The following CMSS1 variants were observed in gnomAD, a reference collection of about 807,000 sequenced individuals.
CMSS1 encodes protein CMSS1.
CMSS1 carries 33 observed loss-of-function variants against 43.5 expected under a neutral mutation model. The observed-to-expected ratio is 0.76, with a 90% CI of 0.57 to 1.01. CMSS1 has a LOEUF of 1.01. CMSS1 is among the 50% of genes least tolerant of loss of function. CMSS1 has a pLI of 0.00. For synonymous variants in CMSS1, 115 were observed against 117.2 expected (o/e 0.98, Z 0.12); for missense variants, 313 against 326.4 (o/e 0.96, Z 0.32).
intron 1 of CMSS1, chr3:99,924,406 C>G (rs1437105025): frequency 1.2e-6 from 2 of 1,613,680 alleles, no homozygotes; most frequent in South Asian, 2.2e-5. Flanking sequence ...CAACTTTGTC[C>G]AACTACGAAA....
rs1227470798 is a variant in CMSS1, at chr3:100,139,557, G to A, written c.65-7416G>A. ...TGTGTGTGTGTGTGTGTGTGTGTGT[G>A]TGTGTGTGTATGTATATATATGTGT... is the stretch of plus-strand genomic sequence containing the variant. On this transcript the variant is annotated intron_variant, in intron 1 of 9. Transcript: ENST00000421999. 1.9e-4 allele frequency among the ~76,000 whole-genome samples: 28 copies of A among 148,562 alleles called. No individual in the cohort carries two copies. The East Asian group carries it at 5.3e-3, about 28-fold the overall frequency.
intron 1 of CMSS1, among the ~76,000 whole-genome samples, chr3:99,827,499 C>CT (rs1462256110): frequency 2.0e-5 from 3 of 151,752 alleles, no homozygotes; most frequent in Non-Finnish European, 4.4e-5. Flanking sequence ...GCAAATGTAA[C>CT]TTTACTTTGA....
chr3:100,095,185 T>G (rs1212246140), intron 1 of CMSS1, among the ~76,000 whole-genome samples: 1 of 152,228 alleles, frequency 6.6e-6, no homozygotes, highest in Non-Finnish European at 1.5e-5. Context: ...CACTTTCTCT[T>G]CTTTTTCAAC....
Position 100,014,280 on chromosome 3 carries a change from A to AAT in CMSS1, c.65-132693_65-132692insAT, listed in dbSNP as rs552745568. Among the ~76,000 whole-genome samples, 445 of 152,102 alleles carry AAT rather than the reference A, an allele frequency of 2.9e-3. 1 individual carries two copies. The highest frequency in any genetic ancestry group is 9.9e-3 in the African/African-American group (412 of 41,546). ...AAGTTGATTCCACATCTTGACTGTT[A>AAT]TGAATAATGCTGCAATGAATATGAG... is the stretch of plus-strand genomic sequence containing the variant. On this transcript the variant is annotated intron_variant, in intron 1 of 9. Transcript: ENST00000421999.
chr3:100,151,406 G>A (rs1462658261), intron 2 of CMSS1, among the ~76,000 whole-genome samples: 1 of 152,190 alleles, frequency 6.6e-6, no homozygotes, highest in African/African-American at 2.4e-5. Flanking sequence ...GCTGGGGTTG[G>A]AGGCTTAGCT....
At chr3:100,027,765 T>C (rs1012313530) in intron 1 of CMSS1, among the ~76,000 whole-genome samples, 2 of 152,054 alleles carry the variant, frequency 1.3e-5, no homozygotes, top group African/African-American at 2.4e-5. Context: ...CAACACAGAG[T>C]TTAGAACTGG....
At chr3:99,896,206 A>G (rs1706246947) in intron 1 of CMSS1, among the ~76,000 whole-genome samples, 5 of 152,238 alleles carry the variant, frequency 3.3e-5, no homozygotes, top group Admixed American at 3.3e-4. Context: ...TAAAGGGAGT[A>G]GGTCAGAGAT....
chr3:100,152,220 A>G (rs970463885), intron 2 of CMSS1, among the ~76,000 whole-genome samples: 1 of 138,010 alleles, frequency 7.2e-6, no homozygotes, highest in African/African-American at 2.7e-5. Context: ...TTTTTTTTCT[A>G]TTAAAAGCAG....
At chr3:100,118,255 T>C (rs1375293709) in intron 1 of CMSS1, among the ~76,000 whole-genome samples, 4 of 151,960 alleles carry the variant, frequency 2.6e-5, no homozygotes, top group Admixed American at 2.0e-4. Context: ...GTGTATTTAC[T>C]ATTATTTTTA....
chr3:100,019,961 G>A (rs1559727678), intron 1 of CMSS1, among the ~76,000 whole-genome samples: 1 of 152,082 alleles, frequency 6.6e-6, no homozygotes, highest in African/African-American at 2.4e-5. Context: ...AAGGAAACTG[G>A]CTTAAAAGCT....
chr3:99,863,379 G>A (rs937706568), intron 1 of CMSS1, among the ~76,000 whole-genome samples: 1 of 152,130 alleles, frequency 6.6e-6, no homozygotes, highest in Non-Finnish European at 1.5e-5. Context: ...TTCGGCCCTG[G>A]GGTTGGGGAC....
At chr3:99,990,720 T>C (rs1709486232) in intron 1 of CMSS1, among the ~76,000 whole-genome samples, 1 of 151,992 alleles carries the variant, frequency 6.6e-6, no homozygotes, top group East Asian at 1.9e-4. Flanking sequence ...ACCCATTTCC[T>C]ATCAAGTGCC....
intron 1 of CMSS1, among the ~76,000 whole-genome samples, chr3:100,139,567 ATGTATATATATG>A (rs1328744431): frequency 8.8e-5 from 11 of 124,696 alleles, no homozygotes; most frequent in African/African-American, 3.2e-4. Flanking sequence ...GTGTGTGTGT[ATGTATATATATG>A]TGTATATATA....
Position 99,992,421 on chromosome 3 carries a change from G to T in CMSS1, c.65-154552G>T, listed in dbSNP as rs1459354395. 2.0e-5 allele frequency among the ~76,000 whole-genome samples: 3 copies of T among 152,182 alleles called. No homozygotes were observed. In the South Asian group the frequency reaches 6.2e-4, roughly 32 times the overall value. On this transcript the variant is annotated intron_variant, in intron 1 of 9. Transcript: ENST00000421999. Reference sequence around the variant, plus strand: ...TTAATTTGCAGTTCTCTGGTAATTAGTAATGTTGAGAATTTTTTCATGTTT... The same window carrying T: ...TTAATTTGCAGTTCTCTGGTAATTATTAATGTTGAGAATTTTTTCATGTTT...
intron 1 of CMSS1, among the ~76,000 whole-genome samples, chr3:99,893,608 AG>A (rs1302348373): frequency 2.0e-5 from 3 of 152,190 alleles, no homozygotes; most frequent in Non-Finnish European, 4.4e-5. Context: ...ACTATCATGT[AG>A]GTATCTAAGA....
chr3:100,019,934 A>AG (rs1475916637), intron 1 of CMSS1, among the ~76,000 whole-genome samples: 3 of 152,150 alleles, frequency 2.0e-5, no homozygotes, highest in South Asian at 2.1e-4. Flanking sequence ...GATTGAGGGC[A>AG]GGGGGGAATG....
intron 1 of CMSS1, among the ~76,000 whole-genome samples, chr3:99,904,708 A>G (rs1000004816): frequency 6.6e-6 from 1 of 151,988 alleles, no homozygotes; most frequent in Non-Finnish European, 1.5e-5. Flanking sequence ...TCACTGTAGC[A>G]ACTACCTCCT....
intron 2 of CMSS1, among the ~76,000 whole-genome samples, chr3:100,156,807 G>A (rs566969811): frequency 6.6e-6 from 1 of 151,188 alleles, no homozygotes; most frequent in South Asian, 2.1e-4. Context: ...AGTAGAGATG[G>A]GGTTTCACCA....
chr3:100,034,966 T>C (rs1162106157), intron 1 of CMSS1, among the ~76,000 whole-genome samples: 1 of 152,142 alleles, frequency 6.6e-6, no homozygotes, highest in Non-Finnish European at 1.5e-5. Flanking sequence ...AAAAACAACT[T>C]GGGATGTCAA....
Sources: gnomAD v4.1 joint callset for allele counts (sites outside exome capture counted in the v4.1 genomes callset) on GRCh38, gnomAD v4.1.1 for gene constraint, MANE v1.5 for transcripts, NCBI Gene and HGNC (gene_info 2026-07-23, HGNC 2026-07-21) for gene names.